Variants in SLC14A2 observed in about 807,000 individuals in gnomAD.
SLC14A2 encodes the protein urea transporter 2.
SLC14A2 carries 91 observed loss-of-function variants against 104.6 expected under a neutral mutation model. The ratio of observed to expected loss-of-function variants is 0.87; its 90% CI spans 0.73 to 1.04. SLC14A2 has a LOEUF of 1.04. SLC14A2 is among the 50% of genes least tolerant of loss of function. The pLI, the probability that SLC14A2 is intolerant of heterozygous loss-of-function variation, is 0.00. For missense variants in SLC14A2, 1,189 were observed against 1,156.0 expected (o/e 1.03, Z -0.41); for synonymous variants, 476 against 466.4 (o/e 1.02, Z -0.27).
At chr18:45,654,352 G>C (rs1568315961) in intron 10 of SLC14A2, among the ~76,000 whole-genome samples, 1 of 152,220 alleles carries the variant, frequency 6.6e-6, no homozygotes, top group Admixed American at 6.5e-5. Context: ...TGAAGTTGAG[G>C]ACCAGAGACG....
At chr18:45,558,877 G>A (rs901886804) in intron 2 of SLC14A2, among the ~76,000 whole-genome samples, 5 of 152,034 alleles carry the variant, frequency 3.3e-5, no homozygotes, top group South Asian at 2.1e-4. Context: ...TGCAATCTCC[G>A]CCTCCTGGGT....
chr18:45,394,385 C>T (rs1000237496), intron 1 of SLC14A2, among the ~76,000 whole-genome samples: 2 of 152,136 alleles, frequency 1.3e-5, no homozygotes, highest in African/African-American at 2.4e-5. Context: ...TAGACAGACT[C>T]TGAATCCAGC....
chr18:45,266,765 A>G (rs1599627951), intron 1 of SLC14A2, among the ~76,000 whole-genome samples: 1 of 152,170 alleles, frequency 6.6e-6, no homozygotes, highest in East Asian at 1.9e-4. Context: ...CTGAGGACCC[A>G]TAATTGTATA....
chr18:45,552,336 G>A (rs545464890), intron 2 of SLC14A2, among the ~76,000 whole-genome samples: 13 of 152,292 alleles, frequency 8.5e-5, no homozygotes, highest in African/African-American at 3.1e-4. Context: ...AAGGAGAAGG[G>A]GAATGCAGCT....
intron 2 of SLC14A2, among the ~76,000 whole-genome samples, chr18:45,569,292 C>T (rs1034921539): frequency 1.3e-5 from 2 of 152,206 alleles, no homozygotes; most frequent in Non-Finnish European, 2.9e-5. Flanking sequence ...ACTGGTTTCT[C>T]ACCAATAGCC....
chr18:45,397,959 A>G (rs1267124612), intron 1 of SLC14A2, among the ~76,000 whole-genome samples: 1 of 151,964 alleles, frequency 6.6e-6, no homozygotes, highest in Admixed American at 6.6e-5. Flanking sequence ...ATAAATAACG[A>G]AACTGCCAGT....
chr18:45,383,484 A>G (rs1402664716), intron 1 of SLC14A2, among the ~76,000 whole-genome samples: 2 of 152,176 alleles, frequency 1.3e-5, no homozygotes, highest in Non-Finnish European at 1.5e-5. Context: ...GGCTGTTTAG[A>G]TGGTCTTAGA....
At chr18:45,401,860 G>A (rs1224961508) in intron 1 of SLC14A2, among the ~76,000 whole-genome samples, 3 of 152,172 alleles carry the variant, frequency 2.0e-5, no homozygotes, top group Admixed American at 6.5e-5. Context: ...TGATGAGGAA[G>A]AGGTATATGT....
At chr18:45,608,716 G>A (rs529804127) in intron 2 of SLC14A2, among the ~76,000 whole-genome samples, 194 of 152,308 alleles carry the variant, frequency 1.3e-3, no homozygotes, top group Non-Finnish European at 2.3e-3. Flanking sequence ...CTTGGCAAAT[G>A]CCTTCCAGCC....
At position 45,216,521 on chromosome 18, in the gene SLC14A2, G is replaced by A. The variant is rs574805137; in HGVS notation, c.-125+3330G>A. On this transcript the variant is annotated intron_variant, in intron 1 of 20. Coordinates refer to the SLC14A2 transcript ENST00000586448. ...AAGCCCATAGTCATTGAAATATATC[G>A]GTGTTGGAGAGGCCGTGTATTTTTT... Among the ~76,000 whole-genome samples the A allele has an allele frequency of 2.0e-5, 3 of 152,166 alleles. No individual in the cohort carries two copies. In the East Asian group the frequency reaches 5.8e-4, roughly 29 times the overall value.
At chr18:45,521,270 G>A (rs1209467309) in intron 2 of SLC14A2, among the ~76,000 whole-genome samples, 9 of 152,306 alleles carry the variant, frequency 5.9e-5, no homozygotes, top group East Asian at 1.9e-4. Flanking sequence ...CACTGAGTCC[G>A]ACAGGGTTAA....
At chr18:45,352,430 A>G (rs1015346289) in intron 1 of SLC14A2, among the ~76,000 whole-genome samples, 1 of 152,206 alleles carries the variant, frequency 6.6e-6, no homozygotes, top group Non-Finnish European at 1.5e-5. Context: ...ACATAAGTAG[A>G]CTAAACTTTA....
chr18:45,244,711 A>G (rs2084351478), intron 1 of SLC14A2, among the ~76,000 whole-genome samples: 1 of 152,220 alleles, frequency 6.6e-6, no homozygotes, highest in Admixed American at 6.5e-5. Flanking sequence ...AGCCCAAATC[A>G]GCAAGAAAGA....
intron 5 of SLC14A2, chr18:45,634,715 T>A (rs1362152061): frequency 4.7e-6 from 2 of 428,790 alleles, no homozygotes; most frequent in African/African-American, 4.0e-5. Flanking sequence ...GTAGACCCAG[T>A]AAGCCTTTGG....
At chr18:45,598,478 CTTTTT>C (rs2044744650) in intron 2 of SLC14A2, among the ~76,000 whole-genome samples, 1 of 152,078 alleles carries the variant, frequency 6.6e-6, no homozygotes, top group African/African-American at 2.4e-5. Flanking sequence ...AGACGCTTTC[CTTTTT>C]AAGTCCCTTC....
chr18:45,575,714 C>T (rs117834662), intron 2 of SLC14A2, among the ~76,000 whole-genome samples: 1,927 of 152,056 alleles, frequency 0.013, 19 homozygotes, highest in Non-Finnish European at 0.021. Context: ...TCTCAAGAAA[C>T]GTTTAAATAT....
In SLC14A2 at chr18:45,458,041, C is replaced by T. The variant is rs1055113745; in HGVS notation, c.-124-25192C>T. Among the ~76,000 whole-genome samples the T allele has an allele frequency of 6.7e-4, 102 of 152,266 alleles. 1 individual carries two copies. The highest frequency in any genetic ancestry group is 1.0e-4 in the Non-Finnish European group (7 of 68,006). On this transcript the variant is annotated intron_variant, in intron 1 of 20. Coordinates refer to the SLC14A2 transcript ENST00000586448. ...TGTTGGAAAAAAAATGCTGATGTGA[C>T]ATTGGGATTTTGTTCTGAATGTGAG...
At chr18:45,510,385 T>C (rs2144785849) in intron 2 of SLC14A2, among the ~76,000 whole-genome samples, 1 of 152,140 alleles carries the variant, frequency 6.6e-6, no homozygotes, top group Admixed American at 6.5e-5. Flanking sequence ...TGATGGAAAA[T>C]GAGAAGGCAT....
intron 1 of SLC14A2, among the ~76,000 whole-genome samples, chr18:45,386,894 C>T (rs2087645845): frequency 6.6e-6 from 1 of 152,338 alleles, no homozygotes; most frequent in African/African-American, 2.4e-5. Flanking sequence ...TAACCAGGCA[C>T]ATGGTGAGCA....
Sources: allele counts gnomAD v4.1 joint callset (sites outside exome capture counted in the v4.1 genomes callset), GRCh38; gene constraint gnomAD v4.1.1; transcripts MANE v1.5; gene names NCBI Gene and HGNC (gene_info 2026-07-23, HGNC 2026-07-21).